SENP6: variants seen among roughly 807,000 people sequenced by gnomAD.
The protein encoded by SENP6 is SUMO specific peptidase 6.
In SENP6, 41 loss-of-function variants were observed where a neutral mutation model predicts 134.5. The observed-to-expected ratio is 0.30, with a 90% CI of 0.24 to 0.40. The LOEUF is 0.40. Ranked by LOEUF, SENP6 falls within the 10% of genes least tolerant of loss-of-function variation. SENP6 has a pLI of 1.00. For synonymous variants in SENP6, 395 were observed against 429.8 expected (o/e 0.92, Z 1.00); for missense variants, 1,248 against 1,312.5 (o/e 0.95, Z 0.76).
At chr6:75,689,146 G>C (rs1774057577) in intron 16 of SENP6, among the ~76,000 whole-genome samples, 1 of 152,162 alleles carries the variant, frequency 6.6e-6, no homozygotes, top group Non-Finnish European at 1.5e-5. Flanking sequence ...AGGATCACTT[G>C]AGCCCATGAC....
chr6:75,696,328 A>C (rs1457922258), intron 17 of SENP6, among the ~76,000 whole-genome samples: 2 of 152,202 alleles, frequency 1.3e-5, no homozygotes, highest in African/African-American at 4.8e-5. Flanking sequence ...AATTACTTAG[A>C]TACTTACTAA....
intron 4 of SENP6, 83 bp from the exon 5 acceptor site, chr6:75,634,624 G>T: frequency 1.4e-6 from 1 of 702,044 alleles, no homozygotes; most frequent in Non-Finnish European, 2.2e-6. Context: ...TTGTGTGTTT[G>T]TTCAGATTTT....
intron 9 of SENP6, among the ~76,000 whole-genome samples, chr6:75,665,898 A>G (rs1772166845): frequency 6.6e-6 from 1 of 151,782 alleles, no homozygotes; most frequent in African/African-American, 2.4e-5. Context: ...GTAGTGGTGC[A>G]CACATGTAAT....
chr6:75,622,328 C>A (rs908330410), intron 2 of SENP6, among the ~76,000 whole-genome samples: 1 of 152,104 alleles, frequency 6.6e-6, no homozygotes, highest in Non-Finnish European at 1.5e-5. Context: ...AAGGCCGAGG[C>A]AGGTGGTTCA....
intron 9 of SENP6, 27 bp downstream of exon 9, chr6:75,663,545 G>A (rs749991060): frequency 7.8e-6 from 12 of 1,533,496 alleles, no homozygotes; most frequent in Non-Finnish European, 9.7e-6. Flanking sequence ...CTTTAATATT[G>A]CTTATATCAA....
At chr6:75,682,255 A>G (rs2149883169) in intron 16 of SENP6, among the ~76,000 whole-genome samples, 1 of 152,292 alleles carries the variant, frequency 6.6e-6, no homozygotes, top group East Asian at 1.9e-4. Context: ...ACCTGAAAGG[A>G]GAAACAGACA....
At chr6:75,674,366 G>T (rs982579834) in intron 11 of SENP6, among the ~76,000 whole-genome samples, 7 of 151,922 alleles carry the variant, frequency 4.6e-5, no homozygotes, top group African/African-American at 1.7e-4. Context: ...TTTTTGCCCA[G>T]GCTGGAGTGC....
intron 6 of SENP6, chr6:75,646,994 A>G (rs918721325): frequency 3.3e-5 from 5 of 152,210 alleles, no homozygotes; most frequent in African/African-American, 1.2e-4. Context: ...TTGTTTGAGT[A>G]AAATGATTTT....
At chr6:75,619,663 A>G (rs187304031) in intron 1 of SENP6, among the ~76,000 whole-genome samples, 126 of 152,260 alleles carry the variant, frequency 8.3e-4, no homozygotes, top group African/African-American at 2.9e-3. Flanking sequence ...GGGTAATTCT[A>G]TGTTTAACTT....
Position 75,666,912 on chromosome 6 carries a change from T to A in SENP6, c.1195T>A (p.Leu399Met). Reference sequence around the variant, plus strand: ...AGACTCAGAGTTAAATACAGTTACATTGCCAAGAAAAGCAAGAATGAAAGA... The same window carrying A: ...AGACTCAGAGTTAAATACAGTTACAATGCCAAGAAAAGCAAGAATGAAAGA... ...PEDSELNTVT[L>M]PRKARMKDQF... The change falls in exon 10 of 24, where the codon TTG becomes ATG. Residue 399 changes from leucine (L) to methionine (M), a missense_variant. Transcript: ENST00000447266. 6.2e-7 allele frequency: 1 copy of A among 1,605,476 alleles called. No individual in the cohort carries two copies.
intron 3 of SENP6, among the ~76,000 whole-genome samples, chr6:75,632,342 A>G (rs1272834747): frequency 6.6e-6 from 1 of 152,178 alleles, no homozygotes; most frequent in African/African-American, 2.4e-5. Context: ...ACTATGTAGT[A>G]TTTTTGGATA....
intron 6 of SENP6, among the ~76,000 whole-genome samples, chr6:75,644,769 G>A (rs1458377784): frequency 6.6e-6 from 1 of 152,192 alleles, no homozygotes; most frequent in Non-Finnish European, 1.5e-5. Context: ...ACAGGCATGA[G>A]CCACCTTGCC....
At chr6:75,644,333 A>T in intron 6 of SENP6, among the ~76,000 whole-genome samples, 1 of 152,158 alleles carries the variant, frequency 6.6e-6, no homozygotes, top group East Asian at 1.9e-4. Flanking sequence ...CACTCTATGA[A>T]ATACCTGACG....
chr6:75,681,052 A>G (rs1332493997), intron 16 of SENP6, among the ~76,000 whole-genome samples: 1 of 152,248 alleles, frequency 6.6e-6, no homozygotes, highest in Non-Finnish European at 1.5e-5. Flanking sequence ...AATAGACATT[A>G]ACACCAAGAA....
chr6:75,641,967 A>T (rs1450293043), intron 6 of SENP6, among the ~76,000 whole-genome samples: 2 of 152,066 alleles, frequency 1.3e-5, no homozygotes, highest in Admixed American at 6.5e-5. Context: ...TGACATTTGT[A>T]CATCAGCTGA....
At chr6:75,646,503 C>T (rs1770450347) in intron 6 of SENP6, 1 of 152,174 alleles carries the variant, frequency 6.6e-6, no homozygotes, top group African/African-American at 2.4e-5. Context: ...ATACAAAGCA[C>T]ACATGGCACA....
chr6:75,695,955 G>A lies in SENP6; in HGVS notation c.2195+32G>A, dbSNP rs762996910. ...CAAACTCTGAAAATATTTAACAGAT[G>A]TAAGTCACTCACATTTAACTAAGTG... On this transcript the variant is annotated intron_variant, in intron 17 of 23. Transcript: ENST00000447266. 7 of 1,545,156 alleles carry A rather than the reference G, an allele frequency of 4.5e-6. No individual in the cohort carries two copies. In the East Asian group the frequency reaches 1.6e-4, roughly 36 times the overall value.
At chr6:75,660,984 A>G (rs1407203351) in intron 8 of SENP6, among the ~76,000 whole-genome samples, 2 of 152,168 alleles carry the variant, frequency 1.3e-5, no homozygotes, top group Admixed American at 1.3e-4. Context: ...CTGAGGAGCC[A>G]TGCATACAAG....
At chr6:75,629,728 G>A (rs537547399) in intron 3 of SENP6, among the ~76,000 whole-genome samples, 5 of 152,296 alleles carry the variant, frequency 3.3e-5, no homozygotes, top group African/African-American at 7.2e-5. Flanking sequence ...TACAGGTAAT[G>A]TATAGGTCTG....
Sources: gnomAD v4.1 joint callset for allele counts (sites outside exome capture counted in the v4.1 genomes callset) on GRCh38, gnomAD v4.1.1 for gene constraint, MANE v1.5 for transcripts, NCBI Gene and HGNC (gene_info 2026-07-23, HGNC 2026-07-21) for gene names.